PLCG2: variants seen among roughly 807,000 people sequenced by gnomAD.
PLCG2 encodes 1-phosphatidylinositol 4,5-bisphosphate phosphodiesterase gamma-2.
Under a neutral mutation model 175.6 loss-of-function variants are expected in PLCG2, and 69 were observed. The observed-to-expected ratio is 0.39, with a 90% CI of 0.32 to 0.48. The LOEUF is 0.48. Among genes scored for constraint, PLCG2 ranks in the 20% least tolerant of loss-of-function variants. The probability of loss-of-function intolerance (pLI) is 0.91; values close to 1 mark genes in which losing one functional copy is unlikely to be tolerated. For missense variants in PLCG2, 1,798 were observed against 1,650.9 expected, an observed-to-expected ratio of 1.09 and a Z score of -1.54; for synonymous variants, 827 against 624.0, an observed-to-expected ratio of 1.33 and a Z score of -4.85.
At chr16:81,884,416 C>G (rs13331991) in intron 9 of PLCG2, among the ~76,000 whole-genome samples, 2,536 of 152,140 alleles carry the variant, frequency 0.017, 77 homozygotes, top group African/African-American at 0.059. Context: ...GTATTCAGCA[C>G]CAAGTACCTA....
intron 21 of PLCG2, chr16:81,921,657 G>T (rs757396598): frequency 1.4e-4 from 41 of 296,586 alleles, no homozygotes; most frequent in Non-Finnish European, 1.6e-4. Context: ...CCCTGACTCT[G>T]TTGTGTAATT....
intron 2 of PLCG2, among the ~76,000 whole-genome samples, chr16:81,789,117 T>C (rs990172573): frequency 1.3e-5 from 2 of 150,660 alleles, no homozygotes; most frequent in Non-Finnish European, 1.5e-5. Context: ...TCCCGGAACT[T>C]AAAGTAAAAT....
intron 20 of PLCG2, among the ~76,000 whole-genome samples, 197 bp from the exon 21 acceptor site, chr16:81,921,001 G>T (rs147687666): frequency 1.1e-3 from 173 of 152,200 alleles, no homozygotes; most frequent in Non-Finnish European, 1.9e-3. Flanking sequence ...CTCTGATTTT[G>T]GGTTAGTTTC....
At chr16:81,804,923 G>T (rs1028326903) in intron 2 of PLCG2, among the ~76,000 whole-genome samples, 1 of 152,212 alleles carries the variant, frequency 6.6e-6, no homozygotes, top group South Asian at 2.1e-4. Context: ...AAGCTCACAT[G>T]TATCCATGTG....
chr16:81,939,515 C>A (rs1363285740), intron 29 of PLCG2, among the ~76,000 whole-genome samples: 1 of 152,226 alleles, frequency 6.6e-6, no homozygotes, highest in Non-Finnish European at 1.5e-5. Flanking sequence ...GGGCTCTCCC[C>A]TGCCAGCTGT....
chr16:81,802,442 A>T (rs970698798), intron 2 of PLCG2, among the ~76,000 whole-genome samples: 26 of 151,176 alleles, frequency 1.7e-4, no homozygotes, highest in Non-Finnish European at 8.8e-5. Flanking sequence ...TCATGTCTGT[A>T]CTTCCAGCTT....
chr16:81,874,756 C>T (rs1907683255), intron 7 of PLCG2, among the ~76,000 whole-genome samples: 1 of 152,116 alleles, frequency 6.6e-6, no homozygotes, highest in African/African-American at 2.4e-5. Flanking sequence ...AACCACCTGC[C>T]TACGTTCCAC....
rs546396937 is a variant in PLCG2 at position 81,962,040 on chromosome 16, G to A, written c.*4042G>A. 8 of 190,664 alleles carry A rather than the reference G, an allele frequency of 4.2e-5. No homozygotes were observed. Among genetic ancestry groups the A allele is most frequent in the East Asian group, 2.6e-4 (3 of 11,724 alleles). The allele number at this position is 190,664 out of a possible 1,614,324, so 11.8% of individuals were successfully genotyped here. A position where few individuals can be genotyped will look rare whatever the true frequency, so the allele number is the denominator to read the frequency against. Reference sequence around the variant, plus strand: ...CTTCCTACCTCACCGCTCCATGTGCGTCCCTCCCGAAGCTGCGCGCTCCGT... The same window carrying A: ...CTTCCTACCTCACCGCTCCATGTGCATCCCTCCCGAAGCTGCGCGCTCCGT... On this transcript the variant is annotated 3_prime_UTR_variant, in exon 33 of 33. Coordinates refer to ENST00000564138, the MANE Select transcript of PLCG2 (RefSeq NM_002661.5).
At position 81,741,516 on chromosome 16, in the gene PLCG2, A is replaced by G. The variant is rs146040601; in HGVS notation, c.-145+2131A>G. 7.1e-3 allele frequency among the ~76,000 whole-genome samples: 1,075 copies of G among 152,326 alleles called. 6 individuals carry two copies. The highest frequency in any genetic ancestry group is 0.012 in the South Asian group (59 of 4,830). On this transcript the variant is annotated intron_variant, in intron 1 of 5. Coordinates refer to the PLCG2 transcript ENST00000565054. ...TGACATTTTGATACACATATAAAAT[A>G]TGTAATGATCAGGCCAGACGTGGTG...
intron 5 of PLCG2, among the ~76,000 whole-genome samples, chr16:81,862,085 C>T (rs964611549): frequency 6.6e-6 from 1 of 152,200 alleles, no homozygotes; most frequent in Admixed American, 6.5e-5. Flanking sequence ...AAACTTTGAC[C>T]AAGATGCCAA....
intron 30 of PLCG2, among the ~76,000 whole-genome samples, chr16:81,942,537 T>G (rs1910987155): frequency 6.6e-6 from 1 of 152,182 alleles, no homozygotes; most frequent in Admixed American, 6.5e-5. Context: ...CCCATTGTCA[T>G]TAGAGATGCA....
chr16:81,744,258 C>T (rs1459220828), intron 1 of PLCG2, among the ~76,000 whole-genome samples: 1 of 150,814 alleles, frequency 6.6e-6, no homozygotes, highest in African/African-American at 2.4e-5. Context: ...AGCTCCGGCT[C>T]CTGGGTTCAC....
At chr16:81,952,328 C>A (rs1190810178) in intron 31 of PLCG2, among the ~76,000 whole-genome samples, 2 of 152,088 alleles carry the variant, frequency 1.3e-5, no homozygotes, top group Non-Finnish European at 2.9e-5. Context: ...CAAATACATA[C>A]ATATCCTAGC....
At chr16:81,829,974 T>C (rs1372680839) in intron 2 of PLCG2, among the ~76,000 whole-genome samples, 1 of 151,970 alleles carries the variant, frequency 6.6e-6, no homozygotes, top group Non-Finnish European at 1.5e-5. Flanking sequence ...TTTCCTGCTG[T>C]GGACCCATGA....
At chr16:81,859,427 G>C (rs1464826967) in intron 5 of PLCG2, among the ~76,000 whole-genome samples, 1 of 152,234 alleles carries the variant, frequency 6.6e-6, no homozygotes, top group African/African-American at 2.4e-5. Context: ...ACAAATATTT[G>C]AGCACCTTTA....
intron 30 of PLCG2, among the ~76,000 whole-genome samples, chr16:81,940,472 A>G (rs1910895255): frequency 6.6e-6 from 1 of 152,008 alleles, no homozygotes; most frequent in Non-Finnish European, 1.5e-5. Context: ...GGGGAGTAAC[A>G]ATCTCGAGGG....
chr16:81,854,804 T>A (rs367738475), intron 3 of PLCG2, among the ~76,000 whole-genome samples: 8 of 152,178 alleles, frequency 5.3e-5, no homozygotes, highest in East Asian at 1.9e-4. Context: ...ATGGGGAGAA[T>A]AATAATGCCT....
At chr16:81,741,635 C>T (rs1033907798) in intron 1 of PLCG2, among the ~76,000 whole-genome samples, 5 of 152,080 alleles carry the variant, frequency 3.3e-5, no homozygotes, top group Admixed American at 2.0e-4. Context: ...CATGGTGAAA[C>T]CCTGTCTCTA....
chr16:81,800,962 A>G (rs563698302), intron 2 of PLCG2, among the ~76,000 whole-genome samples: 53 of 152,298 alleles, frequency 3.5e-4, no homozygotes, highest in Admixed American at 1.0e-3. Flanking sequence ...GGAAGGGGCC[A>G]TGAATCAAGG....
Sources: gnomAD v4.1 joint callset for allele counts (sites outside exome capture counted in the v4.1 genomes callset) on GRCh38, gnomAD v4.1.1 for gene constraint, MANE v1.5 for transcripts, NCBI Gene and HGNC (gene_info 2026-07-23, HGNC 2026-07-21) for gene names.